The following TMEM135 variants were observed in gnomAD, a reference collection of about 807,000 sequenced individuals.
TMEM135 encodes transmembrane protein 135.
In TMEM135, 30 loss-of-function variants were observed where a neutral mutation model predicts 60.3. That is an observed-to-expected ratio of 0.50 (90% CI 0.37 to 0.68). TMEM135 has a LOEUF of 0.68. Ranked by LOEUF, TMEM135 falls within the 30% of genes least tolerant of loss-of-function variation. TMEM135 has a pLI of 0.00. For synonymous variants in TMEM135, 190 were observed against 186.7 expected, an observed-to-expected ratio of 1.02 and a Z score of -0.14; for missense variants, 468 against 548.8, an observed-to-expected ratio of 0.85 and a Z score of 1.47.
intron 5 of TMEM135, among the ~76,000 whole-genome samples, chr11:87,182,443 T>A (rs1485419376): frequency 6.6e-6 from 1 of 152,136 alleles, no homozygotes; most frequent in East Asian, 1.9e-4. Flanking sequence ...GGTAGCACCT[T>A]GACTAAGGTG....
intron 5 of TMEM135, among the ~76,000 whole-genome samples, chr11:87,235,886 A>G (rs973051266): frequency 2.0e-5 from 3 of 152,048 alleles, no homozygotes; most frequent in African/African-American, 7.2e-5. Context: ...GCCTGCTTCT[A>G]GAGGAATTAC....
intron 4 of TMEM135, among the ~76,000 whole-genome samples, chr11:87,156,241 A>G (rs1938692804): frequency 6.6e-6 from 1 of 152,168 alleles, no homozygotes; most frequent in Non-Finnish European, 1.5e-5. Flanking sequence ...TTATGATAGT[A>G]CCACATATTT....
At position 87,270,087 on chromosome 11, in the gene TMEM135, G is replaced by A. The variant is rs554859481; in HGVS notation, c.510-25695G>A. ...TTGTGGTTTTGATTTGCATTTCTCT[G>A]ATGGCCAGTGATGGTGAGCATTTTT... On this transcript the variant is annotated intron_variant, in intron 6 of 14. Coordinates refer to ENST00000305494, the MANE Select transcript of TMEM135 (RefSeq NM_022918.4). 4.2e-3 allele frequency among the ~76,000 whole-genome samples: 592 copies of A among 141,812 alleles called. 12 individuals carry two copies. The highest frequency in any genetic ancestry group is 0.013 in the African/African-American group (521 of 39,238). 93.0% of individuals were successfully genotyped at this position (141,812 alleles called of 152,430 possible).
At chr11:87,119,220 A>C (rs1365949349) in intron 4 of TMEM135, among the ~76,000 whole-genome samples, 1 of 152,196 alleles carries the variant, frequency 6.6e-6, no homozygotes, top group Non-Finnish European at 1.5e-5. Flanking sequence ...TTAGAATTGC[A>C]AGGTTATTAA....
intron 6 of TMEM135, among the ~76,000 whole-genome samples, chr11:87,239,971 T>C (rs1406934545): frequency 6.6e-6 from 1 of 152,150 alleles, no homozygotes; most frequent in Non-Finnish European, 1.5e-5. Flanking sequence ...TCATATGTTA[T>C]AATCAGATTT....
At chr11:87,222,106 CG>C in intron 5 of TMEM135, among the ~76,000 whole-genome samples, 1 of 119,170 alleles carries the variant, frequency 8.4e-6, no homozygotes, top group Non-Finnish European at 1.7e-5. Context: ...GGCGTGAACC[CG>C]GGGGGCGGAG....
intron 4 of TMEM135, among the ~76,000 whole-genome samples, chr11:87,111,666 A>G (rs76755031): frequency 9.5e-4 from 124 of 130,954 alleles, no homozygotes; most frequent in African/African-American, 2.5e-3. Context: ...AAAAAAAAAA[A>G]AAAAAGAAAA....
chr11:87,259,921 TG>T (rs1230814635), intron 6 of TMEM135, among the ~76,000 whole-genome samples: 2 of 152,184 alleles, frequency 1.3e-5, no homozygotes, highest in African/African-American at 4.8e-5. Flanking sequence ...GGTAGGGCCT[TG>T]ATGGTGGCTG....
chr11:87,089,549 A>T (rs192871698), intron 3 of TMEM135, among the ~76,000 whole-genome samples: 146 of 150,162 alleles, frequency 9.7e-4, no homozygotes, highest in African/African-American at 3.2e-3. Flanking sequence ...TCTCAAAAAG[A>T]AAAAGAAAAA....
intron 5 of TMEM135, among the ~76,000 whole-genome samples, chr11:87,159,453 A>G (rs1938800053): frequency 2.0e-5 from 3 of 152,170 alleles, no homozygotes; most frequent in African/African-American, 7.2e-5. Context: ...TTTGTGGTTT[A>G]AAAAGTATAG....
intron 6 of TMEM135, chr11:87,259,084 T>C: frequency 1.8e-6 from 2 of 1,141,912 alleles, no homozygotes; most frequent in Non-Finnish European, 2.6e-6. Context: ...AAAGAAGAGG[T>C]TCTGGCCGCA....
chr11:87,248,785 T>C (rs1442061117), intron 6 of TMEM135, among the ~76,000 whole-genome samples: 1 of 152,190 alleles, frequency 6.6e-6, no homozygotes, highest in Non-Finnish European at 1.5e-5. Context: ...CTCTTTAATT[T>C]CTTGCATCAG....
intron 5 of TMEM135, among the ~76,000 whole-genome samples, chr11:87,181,953 G>C (rs1055463213): frequency 4.0e-5 from 6 of 149,188 alleles, no homozygotes; most frequent in Non-Finnish European, 8.9e-5. Context: ...AATGAGGGTG[G>C]CTTTTTTTTT....
At chr11:87,084,087 G>A (rs1229157328) in intron 3 of TMEM135, among the ~76,000 whole-genome samples, 1 of 151,898 alleles carries the variant, frequency 6.6e-6, no homozygotes, top group African/African-American at 2.4e-5. Context: ...AAACTTTGAG[G>A]TTAGCTAAAT....
At chr11:87,099,579 G>T in intron 4 of TMEM135, among the ~76,000 whole-genome samples, 1 of 151,590 alleles carries the variant, frequency 6.6e-6, no homozygotes, top group Non-Finnish European at 1.5e-5. Flanking sequence ...GAACAAAGCT[G>T]CTATAAATAT....
chr11:87,073,159 C>T (rs1856802928), intron 3 of TMEM135, among the ~76,000 whole-genome samples: 1 of 152,140 alleles, frequency 6.6e-6, no homozygotes, highest in South Asian at 2.1e-4. Context: ...TTCAGCCTCC[C>T]AAGTAGCTGG....
chr11:87,063,090 A>G (rs1949965659), intron 1 of TMEM135, among the ~76,000 whole-genome samples: 1 of 152,210 alleles, frequency 6.6e-6, no homozygotes, highest in African/African-American at 2.4e-5. Context: ...TCCAAAAGTG[A>G]AAAGAAGAAA....
intron 6 of TMEM135, among the ~76,000 whole-genome samples, chr11:87,272,051 CTTTTTTTTTTT>C (rs773654603): frequency 3.7e-5 from 3 of 81,136 alleles, no homozygotes; most frequent in Admixed American, 2.7e-4. Context: ...TTTTTCTTTT[CTTTTTTTTTTT>C]TTTTTTTTTA....
At chr11:87,279,902 T>G (rs548679745) in intron 6 of TMEM135, among the ~76,000 whole-genome samples, 1 of 152,174 alleles carries the variant, frequency 6.6e-6, no homozygotes, top group African/African-American at 2.4e-5. Context: ...CCTGAGTGAA[T>G]AGTGATAAAT....
Sources: allele counts gnomAD v4.1 joint callset (sites outside exome capture counted in the v4.1 genomes callset), GRCh38; gene constraint gnomAD v4.1.1; transcripts MANE v1.5; gene names NCBI Gene and HGNC (gene_info 2026-07-23, HGNC 2026-07-21).